Variants in PLEKHB2 observed in about 807,000 individuals in gnomAD.
PLEKHB2 encodes pleckstrin homology domain-containing family B member 2.
Under a neutral mutation model 36.5 loss-of-function variants are expected in PLEKHB2, and 31 were observed. The observed-to-expected ratio is 0.85, with a 90% CI of 0.64 to 1.15. The LOEUF (loss-of-function observed/expected upper bound fraction) is 1.15, where lower values mean the gene tolerates loss of function less well. PLEKHB2 is among the 50% of genes most tolerant of loss of function. PLEKHB2 has a pLI of 0.00. For missense variants in PLEKHB2, 262 were observed against 295.3 expected (o/e 0.89, Z 0.83); for synonymous variants, 119 against 112.0 (o/e 1.06, Z -0.39).
intron 2 of PLEKHB2, among the ~76,000 whole-genome samples, chr2:131,121,198 G>A (rs1198390809): frequency 2.6e-5 from 4 of 152,208 alleles, no homozygotes; most frequent in Non-Finnish European, 5.9e-5. Context: ...AATGATGGCA[G>A]TCCCTGCTGC....
chr2:131,107,035 G>A (rs1012796336), intron 1 of PLEKHB2, among the ~76,000 whole-genome samples: 2 of 152,166 alleles, frequency 1.3e-5, no homozygotes, highest in Non-Finnish European at 2.9e-5. Flanking sequence ...TTACTCCTTG[G>A]GAAGGTGGAG....
Position 131,147,469 on chromosome 2 carries a change from TA to T in PLEKHB2, c.*698del, listed in dbSNP as rs1382712187. On this transcript the variant is annotated 3_prime_UTR_variant, in exon 8 of 8. Transcript: ENST00000693505. The stretch of plus-strand genomic sequence containing the variant: ...ACATATCCCACATTAGGAATTGATT[TA>T]AGCCTGAGAGTTTGAGGGCTTTAAT... The T allele has an allele frequency of 6.6e-6, 1 of 152,298 alleles. No homozygotes were observed. Among genetic ancestry groups the T allele is most frequent in the Non-Finnish European group, 1.5e-5 (1 of 68,074 alleles). 9.4% of individuals were successfully genotyped at this position (152,298 alleles called of 1,614,324 possible). A position where few individuals can be genotyped will look rare whatever the true frequency, so the allele number is the denominator to read the frequency against.
rs77326296 is a variant in PLEKHB2 at position 131,122,587 on chromosome 2, T to C, written c.37+1609T>C. On this transcript the variant is annotated intron_variant, in intron 2 of 7. Transcript: ENST00000693505. Reference sequence around the variant, plus strand: ...TGGTATTATTTCCAGTTGAAGAAATTGAGATTCAGTGAGGTTAGGTACTTG... The same window carrying C: ...TGGTATTATTTCCAGTTGAAGAAATCGAGATTCAGTGAGGTTAGGTACTTG... Among the ~76,000 whole-genome samples, 269 of 152,240 alleles carry C rather than the reference T, an allele frequency of 1.8e-3. 2 individuals are homozygous for C. Among genetic ancestry groups the C allele is most frequent in the Non-Finnish European group, 2.9e-3 (197 of 68,010 alleles).
intron 7 of PLEKHB2, among the ~76,000 whole-genome samples, chr2:131,145,547 C>T (rs1477534236): frequency 6.6e-6 from 1 of 152,092 alleles, no homozygotes; most frequent in Non-Finnish European, 1.5e-5. Flanking sequence ...GTTGGCCAGG[C>T]TGGTCTAAAA....
At position 131,105,560 on chromosome 2, in the gene PLEKHB2, C is replaced by T. The variant is rs1381308009; in HGVS notation, c.-9+162C>T. The stretch of plus-strand genomic sequence containing the variant: ...CCACTCCCTAATTTTCCCTGAGGCT[C>T]CTGGCCACGGGTCCGCCCACCTCCC... On this transcript the variant is annotated intron_variant, in intron 1 of 7. Transcript: ENST00000693505. Among the ~76,000 whole-genome samples, 4 of 152,148 alleles carry T rather than the reference C, an allele frequency of 2.6e-5. No individual in the cohort carries two copies. In the East Asian group the frequency reaches 7.7e-4, roughly 29 times the overall value.
chr2:131,133,096 TTTC>T (rs1462592130), intron 6 of PLEKHB2, 105 bp downstream of exon 6: 2 of 723,310 alleles, frequency 2.8e-6, no homozygotes, highest in Non-Finnish European at 4.8e-6. Flanking sequence ...CTCTAAACCT[TTTC>T]TTCTTAAAAC....
At chr2:131,120,898 G>C in intron 1 of PLEKHB2, 36 bp from the exon 2 acceptor site, 1 of 1,604,596 alleles carries the variant, frequency 6.2e-7, no homozygotes. Context: ...TCTCTTTCTG[G>C]GTATGATTTT....
At chr2:131,139,706 C>G (rs1698595127) in intron 6 of PLEKHB2, among the ~76,000 whole-genome samples, 1 of 152,218 alleles carries the variant, frequency 6.6e-6, no homozygotes, top group Admixed American at 6.5e-5. Context: ...TCAGGGCACC[C>G]TCATCTTCCA....
At chr2:131,143,162 A>G (rs1698959645) in intron 7 of PLEKHB2, among the ~76,000 whole-genome samples, 1 of 152,148 alleles carries the variant, frequency 6.6e-6, no homozygotes, top group South Asian at 2.1e-4. Context: ...ATGCTAAGCT[A>G]TGATGTTCGG....
chr2:131,123,358 T>C (rs961643313), intron 2 of PLEKHB2, among the ~76,000 whole-genome samples: 4 of 152,190 alleles, frequency 2.6e-5, no homozygotes, highest in African/African-American at 9.6e-5. Flanking sequence ...TTGGGACTTA[T>C]TTTCCTGCCA....
At chr2:131,110,833 ATGT>A (rs944446455) in intron 1 of PLEKHB2, among the ~76,000 whole-genome samples, 1 of 152,052 alleles carries the variant, frequency 6.6e-6, no homozygotes, top group Non-Finnish European at 1.5e-5. Flanking sequence ...TTTGTCCTTG[ATGT>A]TATGAAATTT....
At chr2:131,128,078 CCTT>C (rs1401311024) in intron 4 of PLEKHB2, among the ~76,000 whole-genome samples, 2 of 152,196 alleles carry the variant, frequency 1.3e-5, no homozygotes. Flanking sequence ...GAAGAAATGT[CCTT>C]CTCTTCTAGC....
chr2:131,116,962 C>T (rs967041635), intron 1 of PLEKHB2, among the ~76,000 whole-genome samples: 12 of 152,018 alleles, frequency 7.9e-5, no homozygotes, highest in African/African-American at 2.9e-4. Flanking sequence ...CCTGTCTCCA[C>T]TAAAAATATA....
chr2:131,120,037 C>T (rs1268598649), intron 1 of PLEKHB2, among the ~76,000 whole-genome samples: 1 of 150,274 alleles, frequency 6.7e-6, no homozygotes, highest in African/African-American at 2.5e-5. Context: ...GGTGCAATCT[C>T]GGCTCACCGC....
In PLEKHB2 at chr2:131,142,411, G is replaced by A. The variant is rs1387118067; in HGVS notation, c.532+2136G>A. Among the ~76,000 whole-genome samples, 3 of 151,836 alleles carry A rather than the reference G, an allele frequency of 2.0e-5. No homozygotes were observed. The East Asian group carries it at 5.8e-4, about 29-fold the overall frequency. ...TATGTAATACTCCTAAGTATTTTTA[G>A]TAATTGCCTATTATCATATTGGGTG... On this transcript the variant is annotated intron_variant, in intron 7 of 7. Transcript: ENST00000693505.
chr2:131,135,769 T>C (rs1445820247), intron 6 of PLEKHB2, among the ~76,000 whole-genome samples: 3 of 151,648 alleles, frequency 2.0e-5, no homozygotes, highest in Non-Finnish European at 2.9e-5. Context: ...CCCGGCTAAT[T>C]TTTTTATTTT....
At chr2:131,121,766 C>T (rs1221501424) in intron 2 of PLEKHB2, among the ~76,000 whole-genome samples, 1 of 152,152 alleles carries the variant, frequency 6.6e-6, no homozygotes, top group Non-Finnish European at 1.5e-5. Flanking sequence ...TCCAAAAGGA[C>T]TAGAGAAGAG....
chr2:131,144,752 A>G (rs1197141007), intron 7 of PLEKHB2, among the ~76,000 whole-genome samples: 1 of 152,216 alleles, frequency 6.6e-6, no homozygotes, highest in Non-Finnish European at 1.5e-5. Context: ...CAGGAGCCAC[A>G]AGAGAGTGGC....
Position 131,149,011 on chromosome 2 carries a change from C to T in PLEKHB2, c.*2238C>T, listed in dbSNP as rs1035597463. On this transcript the variant is annotated 3_prime_UTR_variant, in exon 8 of 8. Transcript: ENST00000693505. ...TCTTGAAGCAGATGTCCCTGTGCTC[C>T]CCTGGCTGCTTCTGGCTGAAGGGGG... 2 of 152,134 alleles carry T rather than the reference C, an allele frequency of 1.3e-5. No individual in the cohort carries two copies. Among genetic ancestry groups the T allele is most frequent in the Non-Finnish European group, 2.9e-5 (2 of 68,032 alleles). 9.4% of individuals were successfully genotyped at this position (152,134 alleles called of 1,614,324 possible).
Sources: allele counts gnomAD v4.1 joint callset (sites outside exome capture counted in the v4.1 genomes callset), GRCh38; gene constraint gnomAD v4.1.1; transcripts MANE v1.5; gene names NCBI Gene and HGNC (gene_info 2026-07-23, HGNC 2026-07-21).